HEMK2: variants seen among roughly 807,000 people sequenced by gnomAD.
The protein encoded by HEMK2 is methyltransferase HEMK2.
the HEMK2 span, among the ~76,000 whole-genome samples, chr21:28,579,496 G>A: frequency 1.3e-5 from 2 of 152,148 alleles, no homozygotes; most frequent in African/African-American, 4.8e-5. Flanking sequence ...CAGCAACCAT[G>A]CTTTAAATAA....
chr21:28,790,210 C>A, the HEMK2 span, among the ~76,000 whole-genome samples: 3 of 152,056 alleles, frequency 2.0e-5, no homozygotes, highest in African/African-American at 7.2e-5. Context: ...GTTTTCAAAA[C>A]AAAAACTCAG....
the HEMK2 span, among the ~76,000 whole-genome samples, chr21:28,737,802 T>A: frequency 6.6e-6 from 1 of 152,172 alleles, no homozygotes; most frequent in Admixed American, 6.5e-5. Context: ...AAGCCCTGCT[T>A]AACTTCACAA....
chr21:28,703,498 T>C, the HEMK2 span, among the ~76,000 whole-genome samples: 2 of 152,172 alleles, frequency 1.3e-5, no homozygotes, highest in Non-Finnish European at 2.9e-5. Context: ...GCTTCCTTTT[T>C]CTAACATAGT....
chr21:28,658,646 T>G, the HEMK2 span, among the ~76,000 whole-genome samples: 2 of 152,148 alleles, frequency 1.3e-5, no homozygotes, highest in African/African-American at 4.8e-5. Context: ...ATGATTTTAA[T>G]GTCATATTTA....
chr21:28,604,374 C>T, the HEMK2 span, among the ~76,000 whole-genome samples: 1 of 152,084 alleles, frequency 6.6e-6, no homozygotes, highest in African/African-American at 2.4e-5. Flanking sequence ...ATCAAACCTG[C>T]ACATTGTGCA....
At chr21:28,634,714 C>A in the HEMK2 span, among the ~76,000 whole-genome samples, 1 of 152,138 alleles carries the variant, frequency 6.6e-6, no homozygotes, top group African/African-American at 2.4e-5. Context: ...CCGAACCTCT[C>A]TGAGCTTAAA....
chr21:28,882,569 G>A, the HEMK2 span, among the ~76,000 whole-genome samples: 5 of 151,670 alleles, frequency 3.3e-5, no homozygotes, highest in South Asian at 6.3e-4. Flanking sequence ...ATTTTTGATA[G>A]GAAAATGTTT....
At chr21:28,788,680 AT>A in the HEMK2 span, among the ~76,000 whole-genome samples, 2 of 151,228 alleles carry the variant, frequency 1.3e-5, no homozygotes, top group African/African-American at 4.9e-5. Context: ...TTATGGAAAA[AT>A]AAAATAAAAA....
chr21:28,821,211 T>C, the HEMK2 span, among the ~76,000 whole-genome samples: 1 of 152,140 alleles, frequency 6.6e-6, no homozygotes, highest in Non-Finnish European at 1.5e-5. Context: ...CTCCATTTGG[T>C]TCACTGACAC....
the HEMK2 span, among the ~76,000 whole-genome samples, chr21:28,719,161 T>C: frequency 3.9e-5 from 6 of 152,324 alleles, no homozygotes; most frequent in East Asian, 3.9e-4. Flanking sequence ...TGTGGGAGCA[T>C]TGCAATTGAG....
At chr21:28,856,218 C>A in the HEMK2 span, among the ~76,000 whole-genome samples, 2 of 151,974 alleles carry the variant, frequency 1.3e-5, no homozygotes, top group Non-Finnish European at 2.9e-5. Context: ...AGTTTGAGAC[C>A]AGCCTGGCAA....
chr21:28,778,263 G>A, the HEMK2 span, among the ~76,000 whole-genome samples: 1 of 152,200 alleles, frequency 6.6e-6, no homozygotes, highest in African/African-American at 2.4e-5. Context: ...TAATTCCCTG[G>A]AGATTCATCC....
At chr21:28,694,591 A>G in the HEMK2 span, among the ~76,000 whole-genome samples, 1 of 152,062 alleles carries the variant, frequency 6.6e-6, no homozygotes, top group Non-Finnish European at 1.5e-5. Context: ...CAATGTAGTT[A>G]TACTTGCATT....
chr21:28,787,539 A>C, the HEMK2 span, among the ~76,000 whole-genome samples: 4 of 152,198 alleles, frequency 2.6e-5, no homozygotes, highest in African/African-American at 7.2e-5. Context: ...TCCCATCAAA[A>C]AGTGGGCTAA....
the HEMK2 span, among the ~76,000 whole-genome samples, chr21:28,690,650 G>GCAGC: frequency 6.6e-6 from 1 of 151,868 alleles, no homozygotes; most frequent in Admixed American, 6.6e-5. Context: ...CAACTCAAAT[G>GCAGC]CAGCCACCTC....
the HEMK2 span, among the ~76,000 whole-genome samples, chr21:28,861,545 T>C: frequency 6.6e-6 from 1 of 152,054 alleles, no homozygotes; most frequent in East Asian, 1.9e-4. Flanking sequence ...GACCCCACCA[T>C]ATTACCAACA....
chr21:28,720,170 A>G, the HEMK2 span, among the ~76,000 whole-genome samples: 5 of 152,220 alleles, frequency 3.3e-5, no homozygotes, highest in African/African-American at 4.8e-5. Context: ...CAATACTAAC[A>G]ATCCAACAAT....
chr21:28,672,272 A>G, the HEMK2 span, among the ~76,000 whole-genome samples: 1 of 152,028 alleles, frequency 6.6e-6, no homozygotes, highest in African/African-American at 2.4e-5. Context: ...CCTCAGGTTA[A>G]CAACTGCCCC....
At chr21:28,749,569 G>A in the HEMK2 span, among the ~76,000 whole-genome samples, 1 of 152,144 alleles carries the variant, frequency 6.6e-6, no homozygotes, top group South Asian at 2.1e-4. Flanking sequence ...TTTTTTAAAT[G>A]TGCAAGAATC....
Sources: gnomAD v4.1 joint callset for allele counts (sites outside exome capture counted in the v4.1 genomes callset) on GRCh38, gnomAD v4.1.1 for gene constraint, MANE v1.5 for transcripts, NCBI Gene and HGNC (gene_info 2026-07-23, HGNC 2026-07-21) for gene names.